SGK3: variants seen among roughly 807,000 people sequenced by gnomAD.
SGK3 encodes the protein serine/threonine-protein kinase Sgk3.
Under a neutral mutation model 68.5 loss-of-function variants are expected in SGK3, and 47 were observed. The observed-to-expected ratio is 0.69, with a 90% confidence interval of 0.54 to 0.87. The LOEUF (loss-of-function observed/expected upper bound fraction) is 0.87. Ranked by LOEUF, SGK3 falls within the 40% of genes least tolerant of loss-of-function variation. The pLI is 0.00. For missense variants in SGK3, 479 were observed against 575.5 expected (o/e 0.83, Z 1.72); for synonymous variants, 181 against 189.1 (o/e 0.96, Z 0.35).
At chr8:66,767,752 T>A (rs1446626619) in intron 1 of SGK3, 2 of 1,572,582 alleles carry the variant, frequency 1.3e-6, no homozygotes, top group Non-Finnish European at 1.8e-6. Context: ...AAAGCTTGGC[T>A]GTTTTTGTTT....
At position 66,835,861 on chromosome 8, in the gene SGK3, T is replaced by A; in HGVS notation, c.609+15T>A. On this transcript the variant is annotated intron_variant, in intron 9 of 16. Transcript: ENST00000521198. Reference sequence around the variant, plus strand: ...ACAGAAAAGAGGTAAAATAAAATAGTTGTTTCTCTCAAGCCCATTTTCTCA... The same window carrying A: ...ACAGAAAAGAGGTAAAATAAAATAGATGTTTCTCTCAAGCCCATTTTCTCA... 1 of 1,609,714 alleles carries A rather than the reference T, an allele frequency of 6.2e-7. No homozygotes were observed. The highest frequency in any genetic ancestry group is 8.5e-7 in the Non-Finnish European group (1 of 1,178,940).
chr8:66,833,477 C>T (rs1178371066), intron 8 of SGK3, among the ~76,000 whole-genome samples: 2 of 152,154 alleles, frequency 1.3e-5, no homozygotes, highest in Non-Finnish European at 2.9e-5. Context: ...CTATTCTTAG[C>T]CCTTTGCATA....
At chr8:66,827,176 G>A (rs1025727938) in intron 6 of SGK3, among the ~76,000 whole-genome samples, 2 of 151,482 alleles carry the variant, frequency 1.3e-5, no homozygotes, top group Admixed American at 1.3e-4. Flanking sequence ...GAGGTCAGGA[G>A]TTCAAGACCA....
intron 1 of SGK3, among the ~76,000 whole-genome samples, chr8:66,716,267 C>T (rs1423296463): frequency 2.0e-5 from 3 of 152,132 alleles, no homozygotes; most frequent in South Asian, 4.1e-4. Flanking sequence ...TTGTAGTTCA[C>T]GTCAAAGTAG....
chr8:66,746,830 G>A (rs538447728), intron 1 of SGK3, among the ~76,000 whole-genome samples: 17 of 151,880 alleles, frequency 1.1e-4, no homozygotes, highest in Admixed American at 7.2e-4. Flanking sequence ...AAAGTTACTG[G>A]GATTACAGGT....
rs71249408 is a variant in SGK3, at chr8:66,796,321, A to ATTTTTTTTTTTT, written c.97-2201_97-2190dup. 1.2e-3 allele frequency among the ~76,000 whole-genome samples: 49 copies of ATTTTTTTTTTTT among 41,358 alleles called. 5 individuals carry two copies. The highest frequency in any genetic ancestry group is 1.3e-3 in the Non-Finnish European group (30 of 22,676). 27.1% of individuals were successfully genotyped at this position (41,358 alleles called of 152,430 possible). A position where few individuals can be genotyped will look rare whatever the true frequency, so the allele number is the denominator to read the frequency against. On this transcript the variant is annotated intron_variant, in intron 2 of 16. Transcript: ENST00000521198. The stretch of plus-strand genomic sequence containing the variant: ...CCAGCTAATTTTTTGTATTTTTTGT[A>ATTTTTTTTTTTT]TTTTTTTTTTTTTTTTTTTTTTTTT...
chr8:66,785,243 G>T (rs1807151654), intron 1 of SGK3, among the ~76,000 whole-genome samples: 1 of 152,228 alleles, frequency 6.6e-6, no homozygotes, highest in African/African-American at 2.4e-5. Context: ...GAAGTTGAGG[G>T]CTACGGTATG....
Position 66,723,160 on chromosome 8 carries a change from G to T in SGK3, c.-122+10327G>T, listed in dbSNP as rs1480519773. ...TTTTTTTTTTTTTTTTTTGTAAAAG[G>T]GTCGGCTGGGCACAGCGACTTACGC... On this transcript the variant is annotated intron_variant, in intron 1 of 16. Coordinates refer to ENST00000521198, the MANE Select transcript of SGK3 (RefSeq NM_001033578.3). Among the ~76,000 whole-genome samples the T allele has an allele frequency of 8.8e-5, 8 of 91,234 alleles. No homozygotes were observed. The Admixed American group carries it at 1.3e-3, about 15-fold the overall frequency. The allele number at this position is 91,234 out of a possible 152,430, so 59.9% of individuals were successfully genotyped here.
intron 16 of SGK3, among the ~76,000 whole-genome samples, chr8:66,856,568 G>A (rs1422491504): frequency 1.3e-5 from 2 of 152,126 alleles, no homozygotes; most frequent in African/African-American, 4.8e-5. Flanking sequence ...GGCTTTTGGA[G>A]CATTTTGGAT....
At chr8:66,822,197 T>A (rs1425036809) in intron 5 of SGK3, among the ~76,000 whole-genome samples, 175 bp from the exon 6 acceptor site, 3 of 150,228 alleles carry the variant, frequency 2.0e-5, no homozygotes, top group Non-Finnish European at 3.0e-5. Flanking sequence ...GTTTCTCTAT[T>A]AAAAAAAAAA....
chr8:66,720,781 T>TTATACATA (rs1804772908), intron 1 of SGK3, among the ~76,000 whole-genome samples: 1 of 146,248 alleles, frequency 6.8e-6, no homozygotes, highest in African/African-American at 2.7e-5. Context: ...AAAAAAAAAA[T>TTATACATA]TATATATATA....
chr8:66,836,148 T>C, intron 10 of SGK3, 74 bp downstream of exon 10: 1 of 1,533,278 alleles, frequency 6.5e-7, no homozygotes, highest in Non-Finnish European at 8.8e-7. Flanking sequence ...TTCTTGTAAG[T>C]TTTAGAAGGA....
intron 3 of SGK3, among the ~76,000 whole-genome samples, chr8:66,798,853 C>T: frequency 6.6e-6 from 1 of 152,142 alleles, no homozygotes; most frequent in East Asian, 1.9e-4. Context: ...AATATGAGAA[C>T]TAGATAAAAT....
chr8:66,851,066 G>A, intron 16 of SGK3, 146 bp downstream of exon 16: 1 of 826,022 alleles, frequency 1.2e-6, no homozygotes, highest in African/African-American at 1.7e-5. Context: ...GGGTTGTCTA[G>A]TATAACTAAT....
chr8:66,833,160 C>A (rs548517316), intron 8 of SGK3, among the ~76,000 whole-genome samples: 1 of 152,160 alleles, frequency 6.6e-6, no homozygotes, highest in African/African-American at 2.4e-5. Context: ...CACACGCCAC[C>A]GTGTCTGGCT....
intron 6 of SGK3, among the ~76,000 whole-genome samples, chr8:66,828,235 T>C (rs1212139539): frequency 2.0e-5 from 3 of 152,230 alleles, no homozygotes; most frequent in Non-Finnish European, 4.4e-5. Context: ...GCAATCATCA[T>C]TGTCATCATC....
chr8:66,793,764 A>G lies in SGK3; in HGVS notation c.28A>G (p.Lys10Glu), dbSNP rs750459045. Reference protein sequence around the residue: MQRDHTMDYKESCPSVSIPS... With the variant: MQRDHTMDYEESCPSVSIPS... ...GCAAAGAGATCACACCATGGACTAC[A>G]AGGAAAGCTGCCCAAGTGTAAGCAT... The change falls in exon 2 of 17, where the codon AAG becomes GAG. Residue 10 changes from lysine to glutamate, a missense_variant. Coordinates refer to ENST00000521198, the MANE Select transcript of SGK3 (RefSeq NM_001033578.3). 1.2e-6 allele frequency: 2 copies of G among 1,613,480 alleles called. No individual in the cohort carries two copies. Among genetic ancestry groups the G allele is most frequent in the Admixed American group, 1.7e-5 (1 of 59,980 alleles).
At chr8:66,769,984 C>T (rs940982128) in intron 1 of SGK3, among the ~76,000 whole-genome samples, 4 of 152,142 alleles carry the variant, frequency 2.6e-5, no homozygotes, top group Non-Finnish European at 2.9e-5. Flanking sequence ...GACGGAGCCT[C>T]GCTCTGTTGC....
chr8:66,821,358 C>A (rs1808806455), intron 5 of SGK3, among the ~76,000 whole-genome samples: 1 of 151,948 alleles, frequency 6.6e-6, no homozygotes, highest in Admixed American at 6.6e-5. Flanking sequence ...GTTATAGTTT[C>A]TTGCTTCTCG....
Sources: gnomAD v4.1 joint callset for allele counts (sites outside exome capture counted in the v4.1 genomes callset) on GRCh38, gnomAD v4.1.1 for gene constraint, MANE v1.5 for transcripts, NCBI Gene and HGNC (gene_info 2026-07-23, HGNC 2026-07-21) for gene names.